Variants in PXK observed in about 807,000 individuals in gnomAD.
PXK encodes PX domain containing serine/threonine kinase like.
A neutral mutation model predicts 84.7 loss-of-function variants in PXK; 35 were observed. The observed-to-expected ratio is 0.41, with a 90% CI of 0.32 to 0.55. The LOEUF (loss-of-function observed/expected upper bound fraction) is 0.55. PXK is among the 20% of genes least tolerant of loss of function. The pLI, the probability that PXK is intolerant of heterozygous loss-of-function variation, is 0.21. For missense variants in PXK, 634 were observed against 699.7 expected, an observed-to-expected ratio of 0.91 and a Z score of 1.06; for synonymous variants, 253 against 260.8, an observed-to-expected ratio of 0.97 and a Z score of 0.29.
At chr3:58,418,255 T>C (rs2061296336) in intron 17 of PXK, among the ~76,000 whole-genome samples, 1 of 152,218 alleles carries the variant, frequency 6.6e-6, no homozygotes, top group Non-Finnish European at 1.5e-5. Context: ...TGCTTTATGG[T>C]CACTTGTTTC....
intron 17 of PXK, 92 bp from the exon 18 acceptor site, chr3:58,424,660 C>G (rs994637268): frequency 6.7e-7 from 1 of 1,490,106 alleles, no homozygotes; most frequent in African/African-American, 1.4e-5. Flanking sequence ...CATGTGGACT[C>G]TCACCAGTCC....
chr3:58,399,421 T>C lies in PXK; in HGVS notation c.1181+44T>C, dbSNP rs768344151. The C allele has an allele frequency of 6.4e-7, 1 of 1,557,026 alleles. No individual in the cohort carries two copies. Among genetic ancestry groups the C allele is most frequent in the Admixed American group, 1.7e-5 (1 of 59,192 alleles). ...TTGGTTGTAATCTTGATAACTATGT[T>C]GAACACCAGACCACTGTGTCCAAGC... is the stretch of plus-strand genomic sequence containing the variant. On this transcript the variant is annotated intron_variant, in intron 12 of 17. Coordinates refer to ENST00000356151, the MANE Select transcript of PXK (RefSeq NM_017771.5). The surrounding 1 kb of genome is among the most constrained non-coding windows in gnomAD (Gnocchi z 4.3).
chr3:58,369,379 T>C (rs1359929046), intron 2 of PXK, 52 bp from the exon 3 acceptor site: 2 of 1,399,808 alleles, frequency 1.4e-6, no homozygotes, highest in Non-Finnish European at 2.0e-6. Flanking sequence ...AATAAAGAAA[T>C]GAAAAGAGAT....
chr3:58,424,152 G>T (rs1447192243), intron 17 of PXK, among the ~76,000 whole-genome samples: 2 of 152,194 alleles, frequency 1.3e-5, no homozygotes, highest in Non-Finnish European at 2.9e-5. Context: ...AACCTAATAG[G>T]AAATTATTAT....
At chr3:58,347,864 A>G (rs2097850465) in intron 1 of PXK, among the ~76,000 whole-genome samples, 1 of 152,204 alleles carries the variant, frequency 6.6e-6, no homozygotes, top group South Asian at 2.1e-4. Context: ...GTAGTTGAAG[A>G]AAATGAGGTG....
Position 58,383,020 on chromosome 3 carries a change from G to A in PXK, c.388+320G>A, listed in dbSNP as rs1206824466. 2.6e-5 allele frequency among the ~76,000 whole-genome samples: 4 copies of A among 152,156 alleles called. No homozygotes were observed. The highest frequency in any genetic ancestry group is 4.4e-5 in the Non-Finnish European group (3 of 68,030). On this transcript the variant is annotated intron_variant, in intron 4 of 17. Transcript: ENST00000356151. The surrounding 1 kb of genome is among the most constrained non-coding windows in gnomAD (Gnocchi z 4.0). Reference sequence around the variant, plus strand: ...AAGTAATCTACAATAGGCCAGACGCGGTGGCTCATGCCTATAATCCCAGCA... The same window carrying A: ...AAGTAATCTACAATAGGCCAGACGCAGTGGCTCATGCCTATAATCCCAGCA...
chr3:58,424,724 T>C, intron 17 of PXK, 28 bp from the exon 18 acceptor site: 2 of 1,608,202 alleles, frequency 1.2e-6, no homozygotes, highest in Non-Finnish European at 1.7e-6. Context: ...TGGAGGTGAA[T>C]ACTGATTGTC....
At position 58,364,446 on chromosome 3, in the gene PXK, T is replaced by C. The variant is rs112720428; in HGVS notation, c.103-1428T>C. Among the ~76,000 whole-genome samples, 6,509 of 152,280 alleles carry C rather than the reference T, an allele frequency of 0.043. 226 individuals carry two copies. Among genetic ancestry groups the C allele is most frequent in the Non-Finnish European group, 0.063 (4,270 of 68,020 alleles). Reference sequence around the variant, plus strand: ...ATCATTATAGGCTGGGCGCGGTGGCTCACGCCTGTAATCCCAGCACTTTGG... The same window carrying C: ...ATCATTATAGGCTGGGCGCGGTGGCCCACGCCTGTAATCCCAGCACTTTGG... On this transcript the variant is annotated intron_variant, in intron 1 of 17. Coordinates refer to ENST00000356151, the MANE Select transcript of PXK (RefSeq NM_017771.5). The surrounding 1 kb of genome is among the most constrained non-coding windows in gnomAD (Gnocchi z 4.3).
At chr3:58,349,296 A>G (rs1281617251) in intron 1 of PXK, among the ~76,000 whole-genome samples, 1 of 152,068 alleles carries the variant, frequency 6.6e-6, no homozygotes, top group African/African-American at 2.4e-5. Context: ...TGTTATATTA[A>G]GTGAGAGAAA....
intron 1 of PXK, among the ~76,000 whole-genome samples, chr3:58,342,704 CTTAT>C (rs1484931835): frequency 1.3e-5 from 2 of 150,824 alleles, no homozygotes; most frequent in East Asian, 3.9e-4. Context: ...TGGAGTATTA[CTTAT>C]TTTAGTTGGT....
At chr3:58,350,963 C>T (rs2097911301) in intron 1 of PXK, among the ~76,000 whole-genome samples, 1 of 152,134 alleles carries the variant, frequency 6.6e-6, no homozygotes. Context: ...TGACTTCAGC[C>T]TATAGTTTCA....
At chr3:58,366,120 TTG>T (rs2098268085) in intron 2 of PXK, among the ~76,000 whole-genome samples, 196 bp downstream of exon 2, 1 of 152,136 alleles carries the variant, frequency 6.6e-6, no homozygotes, top group Admixed American at 6.6e-5. Context: ...TTTGGTTAAA[TTG>T]TGTGTGATTG....
chr3:58,377,078 T>G (rs1052046736), intron 3 of PXK, among the ~76,000 whole-genome samples: 3 of 152,262 alleles, frequency 2.0e-5, no homozygotes, highest in African/African-American at 7.2e-5. Flanking sequence ...AGATAAAGCC[T>G]AACTGTATAA....
At position 58,376,797 on chromosome 3, in the gene PXK, G is replaced by A. The variant is rs923243489; in HGVS notation, c.202-5717G>A. ...TGAAATTACAGTCGTGTACCACCAT[G>A]CCTGACTAGTTTTTGTATTTTTAGT... On this transcript the variant is annotated intron_variant, in intron 3 of 17. Transcript: ENST00000356151. 3.9e-5 allele frequency among the ~76,000 whole-genome samples: 6 copies of A among 151,960 alleles called. No individual in the cohort carries two copies. In the East Asian group the frequency reaches 7.7e-4, roughly 20 times the overall value.
In PXK at chr3:58,403,890, T is replaced by G; in HGVS notation, c.1210T>G (p.Ser404Ala). 1 of 1,544,346 alleles carries G rather than the reference T, an allele frequency of 6.5e-7. No homozygotes were observed. The highest frequency in any genetic ancestry group is 1.3e-5 in the South Asian group (1 of 78,132). ...ATTCAGCGATGTTTTACTAACCACT[T>G]CTGAAAAACCACAGTTTAAGGTAAA... is the stretch of plus-strand genomic sequence containing the variant. The part of the protein sequence containing the change: ...PLFSDVLLTT[S>A]EKPQFKIPTK... Residue 404 changes from serine (S) to alanine (A), a missense_variant, in exon 13 of 18, where the codon TCT (serine) becomes GCT (alanine). This residue lies in a region of PXK where 273 missense variants were observed against 283.6 expected (regional missense o/e 0.96). Transcript: ENST00000356151.
chr3:58,397,314 C>T lies in PXK; in HGVS notation c.984+114C>T, dbSNP rs1485364583. ...AGTGAAAGGTATAGTTGGGACAGGC[C>T]TTGCCCGTCAGCCCTTGCAGCGTTG... On this transcript the variant is annotated intron_variant, in intron 10 of 17. Coordinates refer to ENST00000356151, the MANE Select transcript of PXK (RefSeq NM_017771.5). This position sits in a 1 kb window ranked among gnomAD's most constrained non-coding sequence, Gnocchi z 4.7. 14 of 1,289,560 alleles carry T rather than the reference C, an allele frequency of 1.1e-5. No homozygotes were observed. The highest frequency in any genetic ancestry group is 1.5e-5 in the African/African-American group (1 of 68,220). 79.9% of individuals were successfully genotyped at this position (1,289,560 alleles called of 1,614,324 possible).
At chr3:58,402,221 TCTC>T (rs983090289) in intron 12 of PXK, among the ~76,000 whole-genome samples, 10 of 151,230 alleles carry the variant, frequency 6.6e-5, no homozygotes, top group African/African-American at 9.7e-5. Context: ...CCTCCTCTCT[TCTC>T]CTCTTTTCTT....
chr3:58,386,043 T>A (rs62258094), intron 4 of PXK, among the ~76,000 whole-genome samples: 4 of 151,966 alleles, frequency 2.6e-5, no homozygotes, highest in African/African-American at 4.8e-5. Flanking sequence ...CATTGGCAGC[T>A]TCCTTCTCTC....
chr3:58,395,109 G>A lies in PXK; in HGVS notation c.720+7G>A. On this transcript the variant is annotated splice_region_variant and intron_variant, in intron 8 of 17. Transcript: ENST00000356151. ...GAAGGATCTGATCTACAAGGTACCTGTGCAAGTTCATGGTCATAAGGAATT... is the reference window on the plus strand; with the variant it reads ...GAAGGATCTGATCTACAAGGTACCTATGCAAGTTCATGGTCATAAGGAATT... 6.3e-7 allele frequency: 1 copy of A among 1,587,698 alleles called. No homozygotes were observed. Among genetic ancestry groups the A allele is most frequent in the Non-Finnish European group, 8.6e-7 (1 of 1,156,720 alleles).
Sources: gnomAD v4.1 joint callset for allele counts (sites outside exome capture counted in the v4.1 genomes callset) on GRCh38, gnomAD v4.1.1 for gene constraint, gnomAD v4.1.1 regional missense constraint, Gnocchi (gnomAD v3.1) non-coding constraint, MANE v1.5 for transcripts, NCBI Gene and HGNC (gene_info 2026-07-23, HGNC 2026-07-21) for gene names.